Variants in ADAMTS17 observed in about 807,000 individuals in gnomAD.
The protein encoded by ADAMTS17 is A disintegrin and metalloproteinase with thrombospondin motifs 17.
A neutral mutation model predicts 141.5 loss-of-function variants in ADAMTS17; 113 were observed. The observed-to-expected ratio is 0.80, with a 90% CI of 0.69 to 0.93. The LOEUF is 0.93. Among genes scored for constraint, ADAMTS17 ranks in the 40% least tolerant of loss-of-function variants. The pLI is 0.00. For synonymous variants in ADAMTS17, 768 were observed against 630.6 expected (o/e 1.22, Z -3.27); for missense variants, 1,659 against 1,517.9 (o/e 1.09, Z -1.54).
At chr15:100,085,423 G>C (rs890682738) in intron 15 of ADAMTS17, among the ~76,000 whole-genome samples, 5 of 142,834 alleles carry the variant, frequency 3.5e-5, no homozygotes, top group African/African-American at 1.4e-4. Flanking sequence ...CACTCTGCAG[G>C]ATATTATCCA....
intron 4 of ADAMTS17, among the ~76,000 whole-genome samples, chr15:100,262,729 C>A (rs1191707702): frequency 6.8e-6 from 1 of 146,744 alleles, no homozygotes; most frequent in Non-Finnish European, 1.5e-5. Flanking sequence ...AAATTCCATT[C>A]ATAACAAATT....
intron 18 of ADAMTS17, among the ~76,000 whole-genome samples, chr15:100,023,276 A>G (rs1596250793): frequency 6.6e-6 from 1 of 151,548 alleles, no homozygotes; most frequent in African/African-American, 2.4e-5. Context: ...ATCTTGGCTC[A>G]CTGCAACCTC....
chr15:99,999,703 G>A (rs143789705), intron 18 of ADAMTS17, among the ~76,000 whole-genome samples: 1 of 152,158 alleles, frequency 6.6e-6, no homozygotes, highest in Admixed American at 6.5e-5. Flanking sequence ...CACTGGCTCG[G>A]TGTGGATACC....
intron 12 of ADAMTS17, among the ~76,000 whole-genome samples, chr15:100,125,301 G>C (rs2037672841): frequency 6.6e-6 from 1 of 152,242 alleles, no homozygotes; most frequent in African/African-American, 2.4e-5. Context: ...CTTCAGTGTA[G>C]AATACTTAAA....
intron 7 of ADAMTS17, among the ~76,000 whole-genome samples, chr15:100,206,446 T>A (rs1273105007): frequency 2.6e-5 from 4 of 152,210 alleles, no homozygotes; most frequent in Non-Finnish European, 4.4e-5. Flanking sequence ...TTGAAAACTG[T>A]AACACACTCA....
intron 7 of ADAMTS17, among the ~76,000 whole-genome samples, chr15:100,223,900 G>A (rs1274369746): frequency 6.6e-6 from 1 of 152,086 alleles, no homozygotes. Flanking sequence ...TCTGCAAGCT[G>A]AGGAGCAAGG....
intron 16 of ADAMTS17, among the ~76,000 whole-genome samples, chr15:100,052,064 G>C (rs1020485449): frequency 5.3e-5 from 8 of 152,256 alleles, no homozygotes; most frequent in South Asian, 2.1e-4. Context: ...GTCACGCAGA[G>C]AACAGTCCAC....
At chr15:100,233,204 C>T (rs959294090) in intron 7 of ADAMTS17, among the ~76,000 whole-genome samples, 1 of 152,096 alleles carries the variant, frequency 6.6e-6, no homozygotes, top group African/African-American at 2.4e-5. Context: ...GGGACGGACG[C>T]CTGTAACCCC....
intron 4 of ADAMTS17, among the ~76,000 whole-genome samples, chr15:100,267,158 G>A (rs529269875): frequency 6.6e-6 from 1 of 150,998 alleles, no homozygotes; most frequent in African/African-American, 2.4e-5. Flanking sequence ...AACTCCCACT[G>A]CCCCCCACCC....
rs1211710740 is a variant in ADAMTS17, at chr15:100,152,611, C to A, written c.1473+1G>T. On this transcript the variant is annotated splice_donor_variant, in intron 10 of 21. Coordinates refer to ENST00000268070, the MANE Select transcript of ADAMTS17 (RefSeq NM_139057.4). LOFTEE classifies it high-confidence loss of function. ...GAGCCAGCCCTCCCACGGCTGCTTA[C>A]CTCCATGTTTCTGCAGAAGGTGGCA... 6.2e-7 allele frequency: 1 copy of A among 1,613,708 alleles called. No homozygotes were observed. The highest frequency in any genetic ancestry group is 8.5e-7 in the Non-Finnish European group (1 of 1,180,024).
chr15:99,999,551 C>A (rs114090734), intron 18 of ADAMTS17, among the ~76,000 whole-genome samples: 1 of 151,010 alleles, frequency 6.6e-6, no homozygotes, highest in Admixed American at 6.6e-5. Context: ...AAGGGGAGAG[C>A]GAGGGGAAAG....
chr15:100,203,754 C>T (rs1202152441), intron 7 of ADAMTS17, among the ~76,000 whole-genome samples: 1 of 152,058 alleles, frequency 6.6e-6, no homozygotes, highest in Non-Finnish European at 1.5e-5. Context: ...CCCAAATTAG[C>T]CAGGCATGGT....
rs34115183 is a variant in ADAMTS17 at position 100,165,832 on chromosome 15, C to G, written c.1182-10512G>C. ...GATGTTAAGAAGAACCTCTGCCCCC[C>G]CTCAGGACAAATAGAGGGAGTAGAA... On this transcript the variant is annotated intron_variant, in intron 8 of 21. Transcript: ENST00000268070. Among the ~76,000 whole-genome samples the G allele has an allele frequency of 9.3e-3, 1,418 of 152,278 alleles. 7 individuals carry two copies. Among genetic ancestry groups the G allele is most frequent in the Non-Finnish European group, 0.015 (1,022 of 68,024 alleles).
intron 15 of ADAMTS17, among the ~76,000 whole-genome samples, chr15:100,060,760 A>G (rs1036605248): frequency 1.3e-5 from 2 of 152,196 alleles, no homozygotes; most frequent in Admixed American, 1.3e-4. Flanking sequence ...TTCCTGTTCC[A>G]GGTGGTTTTG....
intron 18 of ADAMTS17, among the ~76,000 whole-genome samples, chr15:100,040,665 G>A (rs1178214738): frequency 6.8e-6 from 1 of 146,186 alleles, no homozygotes; most frequent in Non-Finnish European, 1.5e-5. Context: ...CAAACGAAGG[G>A]ATGGTCAAAT....
rs759649845 is a variant in ADAMTS17, at chr15:100,051,636, C to T, written c.2391G>A (p.Pro797=). 1.4e-5 allele frequency: 23 copies of T among 1,614,054 alleles called. No individual in the cohort carries two copies. The highest frequency in any genetic ancestry group is 6.7e-5 in the East Asian group (3 of 44,894). Residue 797 remains proline, a synonymous_variant, in exon 17 of 22, where the codon CCG becomes CCA. Coordinates refer to ENST00000268070, the MANE Select transcript of ADAMTS17 (RefSeq NM_139057.4). ...TAENQSEPEK[P]QDSLFIWTHS... ...GGGTCCAGATGAACAAAGAGTCCTG[C>T]GGTTTTTCTGGTTCGCTTTGATTTT... is the stretch of plus-strand genomic sequence containing the variant.
Position 100,330,886 on chromosome 15 carries a change from C to T in ADAMTS17, c.616+3G>A, listed in dbSNP as rs766965345. The T allele has an allele frequency of 2.5e-6, 4 of 1,614,014 alleles. No individual in the cohort carries two copies. In the South Asian group the frequency reaches 4.4e-5, roughly 18 times the overall value. Reference sequence around the variant, plus strand: ...AGCTGGTCATGCTGCTGCCCCGACTCACCTGTTAGAACCTTGCAGAGCTGC... The same window carrying T: ...AGCTGGTCATGCTGCTGCCCCGACTTACCTGTTAGAACCTTGCAGAGCTGC... On this transcript the variant is annotated splice_donor_region_variant and intron_variant, in intron 3 of 21. Coordinates refer to ENST00000268070, the MANE Select transcript of ADAMTS17 (RefSeq NM_139057.4).
intron 7 of ADAMTS17, among the ~76,000 whole-genome samples, chr15:100,251,135 GT>G (rs2043140488): frequency 6.6e-6 from 1 of 152,152 alleles, no homozygotes; most frequent in South Asian, 2.1e-4. Context: ...AATCACTGAG[GT>G]ATTAGAAAGA....
At chr15:99,983,020 T>C (rs776519647) in intron 20 of ADAMTS17, among the ~76,000 whole-genome samples, 2 of 152,244 alleles carry the variant, frequency 1.3e-5, no homozygotes, top group Non-Finnish European at 2.9e-5. Context: ...AATTATTTCA[T>C]GAAGTTACTG....
Sources: gnomAD v4.1 joint callset for allele counts (sites outside exome capture counted in the v4.1 genomes callset) on GRCh38, gnomAD v4.1.1 for gene constraint, MANE v1.5 for transcripts, NCBI Gene and HGNC (gene_info 2026-07-23, HGNC 2026-07-21) for gene names.